The following GRIP1 variants were observed in gnomAD, a reference collection of about 807,000 sequenced individuals.
The protein encoded by GRIP1 is glutamate receptor interacting protein 1.
In GRIP1, 45 loss-of-function variants were observed where a neutral mutation model predicts 129.9. That is an observed-to-expected ratio of 0.35 (90% CI 0.27 to 0.44). GRIP1 has a LOEUF of 0.44. GRIP1 is among the 20% of genes least tolerant of loss of function. The pLI is 1.00. For missense variants in GRIP1, 1,196 were observed against 1,396.8 expected (o/e 0.86, Z 2.29); for synonymous variants, 530 against 520.8 (o/e 1.02, Z -0.24).
At position 66,499,610 on chromosome 12, in the gene GRIP1, T is replaced by C. The variant is rs148349288; in HGVS notation, c.724+16009A>G. 3.2e-4 allele frequency among the ~76,000 whole-genome samples: 48 copies of C among 152,142 alleles called. 1 individual carries two copies. The highest frequency in any genetic ancestry group is 9.7e-4 in the East Asian group (5 of 5,178). ...CACACAGATAACTATAGTACTACAC[T>C]GAATGGGGCAGAGACTATAGGAAGC... On this transcript the variant is annotated intron_variant, in intron 7 of 24. Coordinates refer to ENST00000359742, the MANE Select transcript of GRIP1 (RefSeq NM_001366722.1).
rs1696303994 is a variant in GRIP1 at position 66,678,965 on chromosome 12, C to CT, written c.-62_-61insA. On this transcript the variant is annotated 5_prime_UTR_variant, in exon 1 of 25. An upstream open reading frame in the 5' UTR gains an earlier in-frame stop. Coordinates refer to ENST00000359742, the MANE Select transcript of GRIP1 (RefSeq NM_001366722.1). ...AGGCTCTCTGCTCTGGTGGCTGCAG[C>CT]AGCAGCAGCATATGAATTCCTTGCG... The CT allele has an allele frequency of 6.2e-7, 1 of 1,611,618 alleles. No homozygotes were observed. The highest frequency in any genetic ancestry group is 1.3e-5 in the African/African-American group (1 of 74,914).
At chr12:66,615,972 G>A (rs1441631902) in intron 1 of GRIP1, among the ~76,000 whole-genome samples, 2 of 152,132 alleles carry the variant, frequency 1.3e-5, no homozygotes, top group Non-Finnish European at 2.9e-5. Flanking sequence ...AATTAACCAC[G>A]ATGCCTGCAT....
intron 1 of GRIP1, among the ~76,000 whole-genome samples, chr12:66,917,949 C>T (rs1166971963): frequency 2.4e-5 from 2 of 83,774 alleles, no homozygotes; most frequent in East Asian, 1.1e-3. Flanking sequence ...GATGTATAAA[C>T]ACACACACAC....
intron 1 of GRIP1, among the ~76,000 whole-genome samples, chr12:66,628,475 C>T (rs1284061162): frequency 1.3e-5 from 2 of 152,178 alleles, no homozygotes; most frequent in Non-Finnish European, 2.9e-5. Flanking sequence ...ATTTTCCCTC[C>T]TCCTCTCCTG....
intron 1 of GRIP1, among the ~76,000 whole-genome samples, chr12:66,651,987 T>C (rs891280516): frequency 2.0e-5 from 3 of 152,160 alleles, no homozygotes; most frequent in African/African-American, 7.2e-5. Flanking sequence ...TTAAATACTA[T>C]GAAGCAAAGG....
At chr12:66,768,128 A>C (rs911160409) in intron 1 of GRIP1, among the ~76,000 whole-genome samples, 1 of 152,182 alleles carries the variant, frequency 6.6e-6, no homozygotes, top group South Asian at 2.1e-4. Context: ...TTTGGTCTAC[A>C]TTTTATTGAA....
intron 1 of GRIP1, among the ~76,000 whole-genome samples, chr12:66,751,013 T>C (rs1407097131): frequency 6.6e-6 from 1 of 152,228 alleles, no homozygotes; most frequent in Non-Finnish European, 1.5e-5. Context: ...CATGTTCATA[T>C]ATTTATTATA....
At chr12:66,500,803 C>T (rs1267023518) in intron 7 of GRIP1, among the ~76,000 whole-genome samples, 3 of 152,190 alleles carry the variant, frequency 2.0e-5, no homozygotes, top group African/African-American at 7.2e-5. Flanking sequence ...TCCTATTTTA[C>T]TGCTACCAAT....
chr12:66,563,564 A>G (rs1051922629), intron 2 of GRIP1: 3 of 165,444 alleles, frequency 1.8e-5, no homozygotes, highest in Non-Finnish European at 4.0e-5. Flanking sequence ...CACAAACTTG[A>G]AAAAGACAAA....
intron 1 of GRIP1, among the ~76,000 whole-genome samples, chr12:66,991,128 C>A (rs901529517): frequency 4.0e-5 from 6 of 151,740 alleles, no homozygotes; most frequent in Non-Finnish European, 7.4e-5. Context: ...AAAAAATTAG[C>A]CAGGCGAGGT....
intron 1 of GRIP1, 132 bp downstream of exon 1, chr12:66,678,718 T>C: frequency 1.3e-6 from 1 of 799,616 alleles, no homozygotes; most frequent in South Asian, 1.4e-5. Context: ...TATCTATACA[T>C]ATTTCACTGA....
intron 1 of GRIP1, among the ~76,000 whole-genome samples, chr12:66,944,775 C>T (rs11176490): frequency 0.16 from 24,505 of 151,956 alleles, 3,221 homozygotes; most frequent in African/African-American, 0.36. Context: ...AGGCAAATTA[C>T]GCAGGTGTTT....
At chr12:67,005,024 A>G (rs199955757) in intron 1 of GRIP1, among the ~76,000 whole-genome samples, 1 of 6,968 alleles carries the variant, frequency 1.4e-4, no homozygotes, top group Non-Finnish European at 2.8e-4. Flanking sequence ...CATTAACTTT[A>G]AAAAAAAAAA....
intron 1 of GRIP1, among the ~76,000 whole-genome samples, chr12:66,965,678 GT>G (rs1566097890): frequency 1.3e-5 from 2 of 151,800 alleles, no homozygotes; most frequent in Non-Finnish European, 2.9e-5. Context: ...TGCATCATCA[GT>G]GAGACCTAAG....
chr12:66,951,654 A>G (rs2137493696), intron 1 of GRIP1, among the ~76,000 whole-genome samples: 1 of 152,314 alleles, frequency 6.6e-6, no homozygotes, highest in Middle Eastern at 3.4e-3. Flanking sequence ...TAGTCTGGAG[A>G]TTATTCTAGT....
intron 7 of GRIP1, among the ~76,000 whole-genome samples, chr12:66,474,607 C>A (rs1045385204): frequency 6.6e-6 from 1 of 152,150 alleles, no homozygotes; most frequent in East Asian, 1.9e-4. Flanking sequence ...AAAGGGAAGC[C>A]CATCAGATTA....
At position 66,638,659 on chromosome 12, in the gene GRIP1, T is replaced by G. The variant is rs2136072563; in HGVS notation, c.55+40191A>C. On this transcript the variant is annotated intron_variant, in intron 1 of 24. Transcript: ENST00000359742. ...AGTTTTTAGTAAGATAAACAAGAAATAAAATACGAAATCAATTTTGTCAAT... is the reference window on the plus strand; with the variant it reads ...AGTTTTTAGTAAGATAAACAAGAAAGAAAATACGAAATCAATTTTGTCAAT... 1.3e-5 allele frequency among the ~76,000 whole-genome samples: 2 copies of G among 152,328 alleles called. 1 individual carries two copies. The highest frequency in any genetic ancestry group is 4.1e-4 in the South Asian group (2 of 4,832).
At chr12:66,454,611 C>A (rs183312685) in intron 11 of GRIP1, among the ~76,000 whole-genome samples, 2 of 152,210 alleles carry the variant, frequency 1.3e-5, no homozygotes, top group East Asian at 3.9e-4. Context: ...CTTTTTTACC[C>A]CTCTATTCAG....
In GRIP1 at chr12:66,710,897, C is replaced by T. The variant is rs145533292; in HGVS notation, c.-419-80561G>A. On this transcript the variant is annotated intron_variant, in intron 1 of 4. Coordinates refer to the GRIP1 transcript ENST00000538373. The stretch of plus-strand genomic sequence containing the variant: ...TAGAGGAATCTTCCACAGGCTTCTG[C>T]CTTTCTGGATCACTTCACATAGTAT... 1.8e-4 allele frequency among the ~76,000 whole-genome samples: 28 copies of T among 151,926 alleles called. No individual in the cohort carries two copies. In the East Asian group the frequency reaches 5.3e-3, roughly 28 times the overall value.
Sources: gnomAD v4.1 joint callset for allele counts (sites outside exome capture counted in the v4.1 genomes callset) on GRCh38, gnomAD v4.1.1 for gene constraint, MANE v1.5 for transcripts, NCBI Gene and HGNC (gene_info 2026-07-23, HGNC 2026-07-21) for gene names.